Variants in MGAT4C observed in about 807,000 individuals in gnomAD.
MGAT4C encodes MGAT4 family member C, also known as alpha-1,3-mannosyl-glycoprotein 4-beta-N-acetylglucosaminyltransferase C.
A neutral mutation model predicts 40.1 loss-of-function variants in MGAT4C; 19 were observed. The observed-to-expected ratio is 0.47, with a 90% CI of 0.33 to 0.70. The LOEUF (loss-of-function observed/expected upper bound fraction) is 0.70. Ranked by LOEUF, MGAT4C falls within the 30% of genes least tolerant of loss-of-function variation. The pLI is 0.02. For missense variants in MGAT4C, 491 were observed against 563.2 expected, an observed-to-expected ratio of 0.87 and a Z score of 1.30; for synonymous variants, 181 against 187.1, an observed-to-expected ratio of 0.97 and a Z score of 0.27.
intron 2 of MGAT4C, among the ~76,000 whole-genome samples, chr12:86,559,541 T>A (rs1959767889): frequency 6.6e-6 from 1 of 151,898 alleles, no homozygotes; most frequent in Admixed American, 6.6e-5. Context: ...TTCAACAACA[T>A]GCTCTTGAAC....
intron 2 of MGAT4C, among the ~76,000 whole-genome samples, chr12:86,573,056 G>C (rs77291748): frequency 0.01 from 1,574 of 151,264 alleles, 16 homozygotes; most frequent in East Asian, 0.038. Flanking sequence ...TTCCTCCAGC[G>C]TACTTTCAAA....
rs561711745 is a variant in MGAT4C, at chr12:86,203,574, A to G, written c.-57+52665T>C. ...CAAACTAATTTTTTTCTCCATATCAATGTGCACCAGACAATATGTTACCAG... is the reference window on the plus strand; with the variant it reads ...CAAACTAATTTTTTTCTCCATATCAGTGTGCACCAGACAATATGTTACCAG... On this transcript the variant is annotated intron_variant, in intron 1 of 4. Transcript: ENST00000611864. 2.6e-5 allele frequency among the ~76,000 whole-genome samples: 4 copies of G among 152,212 alleles called. No homozygotes were observed. The South Asian group carries it at 6.2e-4, about 24-fold the overall frequency.
intron 1 of MGAT4C, among the ~76,000 whole-genome samples, chr12:86,824,848 C>T (rs577023844): frequency 1.3e-5 from 2 of 150,800 alleles, no homozygotes; most frequent in African/African-American, 2.4e-5. Flanking sequence ...TTTGTAGAGC[C>T]TTTACTGCTA....
At chr12:86,370,874 C>T (rs1044481569) in intron 3 of MGAT4C, among the ~76,000 whole-genome samples, 3 of 152,090 alleles carry the variant, frequency 2.0e-5, no homozygotes, top group African/African-American at 7.2e-5. Flanking sequence ...GGCTGCATCA[C>T]AGCCCTTAAA....
chr12:86,002,714 T>C (rs1028471757), intron 2 of MGAT4C, among the ~76,000 whole-genome samples: 3 of 149,458 alleles, frequency 2.0e-5, no homozygotes, highest in Non-Finnish European at 3.0e-5. Flanking sequence ...GAATATATAT[T>C]ACATATATGT....
At chr12:86,510,567 C>T (rs914370132) in intron 2 of MGAT4C, among the ~76,000 whole-genome samples, 1 of 152,078 alleles carries the variant, frequency 6.6e-6, no homozygotes, top group Non-Finnish European at 1.5e-5. Context: ...AGAGTCAAGA[C>T]CCATCTGGGT....
intron 1 of MGAT4C, among the ~76,000 whole-genome samples, chr12:86,136,081 A>G (rs1881904418): frequency 6.6e-6 from 1 of 152,242 alleles, no homozygotes; most frequent in African/African-American, 2.4e-5. Flanking sequence ...TTAGTAATAC[A>G]TAAAGGGAAT....
At chr12:86,419,711 T>C (rs973502963) in intron 3 of MGAT4C, among the ~76,000 whole-genome samples, 1 of 152,160 alleles carries the variant, frequency 6.6e-6, no homozygotes, top group African/African-American at 2.4e-5. Flanking sequence ...CATGAAGTTT[T>C]CTTGTAGTGG....
chr12:86,560,102 G>A (rs1210429496), intron 2 of MGAT4C, among the ~76,000 whole-genome samples: 1 of 151,548 alleles, frequency 6.6e-6, no homozygotes, highest in African/African-American at 2.4e-5. Context: ...AAATCAGGGA[G>A]AATTAAAAAA....
At chr12:86,009,999 T>A (rs541128566) in intron 2 of MGAT4C, among the ~76,000 whole-genome samples, 1 of 152,260 alleles carries the variant, frequency 6.6e-6, no homozygotes, top group South Asian at 2.1e-4. Context: ...CTGAAGAAAT[T>A]CAGAAAAATC....
chr12:86,810,496 G>A (rs1418059680), intron 1 of MGAT4C, among the ~76,000 whole-genome samples: 1 of 151,618 alleles, frequency 6.6e-6, no homozygotes, highest in Non-Finnish European at 1.5e-5. Flanking sequence ...TTCAAGTTGA[G>A]GTAATTCCCT....
intron 3 of MGAT4C, among the ~76,000 whole-genome samples, chr12:86,364,081 GA>G (rs560362942): frequency 2.6e-4 from 40 of 151,584 alleles, no homozygotes; most frequent in Non-Finnish European, 4.9e-4. Context: ...TATCCTCCAA[GA>G]AAATTACAGG....
At position 86,332,914 on chromosome 12, in the gene MGAT4C, C is replaced by G. The variant is rs556663504; in HGVS notation, c.-57+1151G>C. Among the ~76,000 whole-genome samples the G allele has an allele frequency of 5.5e-4, 83 of 152,156 alleles. 1 individual carries two copies. The highest frequency in any genetic ancestry group is 9.8e-4 in the Admixed American group (15 of 15,260). On this transcript the variant is annotated intron_variant, in intron 4 of 7. Coordinates refer to the MGAT4C transcript ENST00000548651. ...AAGTGATAGTCAAGTTTTTGTGAAT[C>G]CTTTTGCTGTTGAAATGTTTCAAGG...
At chr12:86,026,148 G>T (rs1326800610) in intron 2 of MGAT4C, among the ~76,000 whole-genome samples, 1 of 151,650 alleles carries the variant, frequency 6.6e-6, no homozygotes, top group Admixed American at 6.6e-5. Flanking sequence ...ATAAGGAGTG[G>T]GGATATAAAA....
chr12:86,553,237 T>G (rs1469786593), intron 2 of MGAT4C, among the ~76,000 whole-genome samples: 1 of 152,140 alleles, frequency 6.6e-6, no homozygotes, highest in Non-Finnish European at 1.5e-5. Context: ...TAATTCTAAT[T>G]GTTGCTGGCT....
At chr12:86,135,705 G>A (rs1056071208) in intron 1 of MGAT4C, among the ~76,000 whole-genome samples, 10 of 152,152 alleles carry the variant, frequency 6.6e-5, no homozygotes, top group African/African-American at 2.2e-4. Context: ...CTGTGACACT[G>A]ATTAGAATCT....
intron 2 of MGAT4C, among the ~76,000 whole-genome samples, chr12:86,580,341 A>G (rs984198030): frequency 6.6e-6 from 1 of 151,476 alleles, no homozygotes; most frequent in Non-Finnish European, 1.5e-5. Context: ...CTCTCTCTAG[A>G]TTGCTAGCTT....
intron 1 of MGAT4C, among the ~76,000 whole-genome samples, chr12:86,087,096 A>G (rs916634115): frequency 1.3e-5 from 2 of 152,008 alleles, no homozygotes; most frequent in Non-Finnish European, 2.9e-5. Context: ...GGTTGATTCC[A>G]TATCTTGGCT....
chr12:86,743,041 G>A (rs939859065), intron 1 of MGAT4C, among the ~76,000 whole-genome samples: 2 of 145,836 alleles, frequency 1.4e-5, no homozygotes, highest in African/African-American at 5.1e-5. Context: ...GTGTATGTGT[G>A]TTTTGCATGT....
Sources: gnomAD v4.1 joint callset for allele counts (sites outside exome capture counted in the v4.1 genomes callset) on GRCh38, gnomAD v4.1.1 for gene constraint, MANE v1.5 for transcripts, NCBI Gene and HGNC (gene_info 2026-07-23, HGNC 2026-07-21) for gene names.